The following LUZP2 variants were observed in gnomAD, a reference collection of about 807,000 sequenced individuals.
The protein encoded by LUZP2 is leucine zipper protein 2.
In LUZP2, 52 loss-of-function variants were observed where a neutral mutation model predicts 51.6. The ratio of observed to expected loss-of-function variants is 1.01; its 90% CI spans 0.81 to 1.27. The LOEUF (loss-of-function observed/expected upper bound fraction) is 1.27. Among genes scored for constraint, LUZP2 ranks in the 50% most tolerant of loss-of-function variants. The pLI is 0.00. For synonymous variants in LUZP2, 154 were observed against 137.3 expected, an observed-to-expected ratio of 1.12 and a Z score of -0.85; for missense variants, 436 against 395.4, an observed-to-expected ratio of 1.10 and a Z score of -0.87.
At chr11:24,867,050 T>A (rs1310278070) in intron 5 of LUZP2, among the ~76,000 whole-genome samples, 4 of 152,148 alleles carry the variant, frequency 2.6e-5, no homozygotes, top group Non-Finnish European at 5.9e-5. Context: ...TCAAAAAGCC[T>A]TTTGAAGCAT....
chr11:24,634,533 A>G (rs1016074354), intron 1 of LUZP2, among the ~76,000 whole-genome samples: 2 of 150,838 alleles, frequency 1.3e-5, no homozygotes, highest in Non-Finnish European at 3.0e-5. Context: ...CTCATTCCCT[A>G]TTTTTTCCCC....
intron 5 of LUZP2, among the ~76,000 whole-genome samples, chr11:24,856,622 T>G (rs1187918617): frequency 6.6e-6 from 1 of 152,234 alleles, no homozygotes; most frequent in East Asian, 1.9e-4. Context: ...AAGATACTTG[T>G]ACTTGTATGT....
chr11:24,595,577 T>A (rs926540083), intron 1 of LUZP2, among the ~76,000 whole-genome samples: 2 of 152,204 alleles, frequency 1.3e-5, no homozygotes, highest in African/African-American at 4.8e-5. Context: ...TTATTCATCA[T>A]TGAGATATTT....
intron 9 of LUZP2, among the ~76,000 whole-genome samples, chr11:25,040,342 G>GTTTTTTTTTTTTTTTTTTTTTTTT (rs1491549909): frequency 5.9e-5 from 2 of 34,024 alleles, no homozygotes; most frequent in African/African-American, 3.4e-4. Flanking sequence ...CTTTCTTTCC[G>GTTTTTTTTTTTTTTTTTTTTTTTT]ATTTTTTTTT....
At chr11:24,779,241 T>C (rs746031987) in intron 5 of LUZP2, among the ~76,000 whole-genome samples, 6 of 152,302 alleles carry the variant, frequency 3.9e-5, no homozygotes, top group Middle Eastern at 3.4e-3. Context: ...TCACAAAGTG[T>C]TGGAGATATT....
intron 1 of LUZP2, among the ~76,000 whole-genome samples, chr11:24,700,002 C>T (rs1169485691): frequency 2.7e-5 from 4 of 150,854 alleles, no homozygotes; most frequent in Admixed American, 2.6e-4. Context: ...GTACTTGTCA[C>T]TCCCTCTCCC....
At chr11:24,870,520 T>C (rs1300406589) in intron 5 of LUZP2, among the ~76,000 whole-genome samples, 1 of 147,754 alleles carries the variant, frequency 6.8e-6, no homozygotes, top group African/African-American at 2.6e-5. Flanking sequence ...CACTTCCTTG[T>C]GATACTGAGA....
intron 8 of LUZP2, among the ~76,000 whole-genome samples, chr11:24,977,301 A>G (rs1052601783): frequency 1.3e-5 from 2 of 151,668 alleles, no homozygotes; most frequent in African/African-American, 4.8e-5. Context: ...ACAACATATA[A>G]TGTTCAATGA....
At chr11:24,562,623 G>A (rs894014856) in intron 1 of LUZP2, among the ~76,000 whole-genome samples, 4 of 151,508 alleles carry the variant, frequency 2.6e-5, no homozygotes, top group Non-Finnish European at 4.4e-5. Flanking sequence ...GGAGGCTGAG[G>A]CGAGCAGATC....
At chr11:24,577,842 C>T (rs1160686330) in intron 1 of LUZP2, among the ~76,000 whole-genome samples, 3 of 151,994 alleles carry the variant, frequency 2.0e-5, no homozygotes, top group Admixed American at 1.3e-4. Context: ...ATACAGTTAG[C>T]GTATCAGAAA....
intron 7 of LUZP2, among the ~76,000 whole-genome samples, chr11:24,961,109 A>G (rs1855385642): frequency 6.6e-6 from 1 of 152,096 alleles, no homozygotes; most frequent in South Asian, 2.1e-4. Context: ...GTGGTCAGAG[A>G]GATAGTTTGT....
intron 1 of LUZP2, among the ~76,000 whole-genome samples, chr11:24,665,378 A>G (rs928295888): frequency 1.3e-5 from 2 of 152,170 alleles, no homozygotes; most frequent in Non-Finnish European, 2.9e-5. Context: ...TGTCTCAGAC[A>G]AAACTTTGGA....
chr11:24,892,280 G>A (rs1439011908), intron 5 of LUZP2: 1 of 985,290 alleles, frequency 1.0e-6, no homozygotes, highest in Non-Finnish European at 1.2e-6. Context: ...ATCTGCTATA[G>A]GAAGGAGCAC....
chr11:24,802,063 C>G (rs1790304462), intron 5 of LUZP2, among the ~76,000 whole-genome samples: 3 of 152,080 alleles, frequency 2.0e-5, no homozygotes, highest in Admixed American at 1.3e-4. Context: ...AGAAGTCTCC[C>G]TAATCCTCCC....
intron 5 of LUZP2, among the ~76,000 whole-genome samples, chr11:24,898,813 C>A (rs1853173548): frequency 1.3e-5 from 2 of 151,796 alleles, no homozygotes; most frequent in South Asian, 4.2e-4. Context: ...TTGTGAGGTA[C>A]CTGGAAATGG....
chr11:24,766,696 T>A (rs562591364), intron 5 of LUZP2, among the ~76,000 whole-genome samples: 2 of 142,540 alleles, frequency 1.4e-5, no homozygotes, highest in Admixed American at 7.1e-5. Context: ...ATCCTGAATA[T>A]AAAGCTTCAA....
chr11:24,640,337 G>T (rs1440023415), intron 1 of LUZP2, among the ~76,000 whole-genome samples: 1 of 151,864 alleles, frequency 6.6e-6, no homozygotes, highest in East Asian at 1.9e-4. Flanking sequence ...CAGTACAAGA[G>T]ATGACTGGTA....
chr11:24,519,600 T>C (rs952405306), intron 1 of LUZP2, among the ~76,000 whole-genome samples: 3 of 152,214 alleles, frequency 2.0e-5, no homozygotes, highest in African/African-American at 7.2e-5. Flanking sequence ...GGAAAGGGTT[T>C]CGCCTTTCAT....
chr11:24,663,876 T>A (rs1294521711), intron 1 of LUZP2, among the ~76,000 whole-genome samples: 1 of 152,178 alleles, frequency 6.6e-6, no homozygotes, highest in Non-Finnish European at 1.5e-5. Flanking sequence ...AAGAAGGACA[T>A]GTTTGTTTTC....
Sources: allele counts gnomAD v4.1 joint callset (sites outside exome capture counted in the v4.1 genomes callset), GRCh38; gene constraint gnomAD v4.1.1; transcripts MANE v1.5; gene names NCBI Gene and HGNC (gene_info 2026-07-23, HGNC 2026-07-21).